The following STK32C variants were observed in gnomAD, a reference collection of about 807,000 sequenced individuals.
STK32C encodes serine/threonine-protein kinase 32C.
A neutral mutation model predicts 56.5 loss-of-function variants in STK32C; 31 were observed. That is an observed-to-expected ratio of 0.55 (90% CI 0.41 to 0.74). The LOEUF is 0.74. Ranked by LOEUF, STK32C falls within the 30% of genes least tolerant of loss-of-function variation. The pLI, the probability that STK32C is intolerant of heterozygous loss-of-function variation, is 0.00. For synonymous variants in STK32C, 309 were observed against 289.4 expected, an observed-to-expected ratio of 1.07 and a Z score of -0.69; for missense variants, 544 against 676.9, an observed-to-expected ratio of 0.80 and a Z score of 2.18.
At chr10:132,274,570 TG>T (rs1479728732) in intron 1 of STK32C, among the ~76,000 whole-genome samples, 1 of 152,166 alleles carries the variant, frequency 6.6e-6, no homozygotes, top group Non-Finnish European at 1.5e-5. Flanking sequence ...ACCTGAGGCT[TG>T]GGAATCTAAC....
At chr10:132,243,810 T>A (rs1343849426) in intron 2 of STK32C, among the ~76,000 whole-genome samples, 1 of 152,138 alleles carries the variant, frequency 6.6e-6, no homozygotes. Context: ...AGACTCTAAA[T>A]GCTGCGCCGC....
At chr10:132,298,227 A>C (rs941866413) in intron 1 of STK32C, among the ~76,000 whole-genome samples, 3 of 152,108 alleles carry the variant, frequency 2.0e-5, no homozygotes, top group Non-Finnish European at 4.4e-5. Flanking sequence ...CCTCCCCTGA[A>C]TCTGAGCTGG....
At chr10:132,297,516 T>C (rs1187945082) in intron 1 of STK32C, among the ~76,000 whole-genome samples, 1 of 152,210 alleles carries the variant, frequency 6.6e-6, no homozygotes. Context: ...AGATTTTTTT[T>C]CCTCCCCTTT....
At chr10:132,273,100 C>A (rs2064879260) in intron 1 of STK32C, among the ~76,000 whole-genome samples, 1 of 152,186 alleles carries the variant, frequency 6.6e-6, no homozygotes, top group African/African-American at 2.4e-5. Context: ...TTCCTTGCTG[C>A]CCCCCTCAAC....
At chr10:132,303,088 G>A (rs565746563) in intron 1 of STK32C, among the ~76,000 whole-genome samples, 6 of 152,348 alleles carry the variant, frequency 3.9e-5, no homozygotes, top group African/African-American at 1.2e-4. Flanking sequence ...GCGTGGAAAC[G>A]GTCCCACTCC....
chr10:132,252,282 G>C (rs936518435), intron 1 of STK32C, among the ~76,000 whole-genome samples: 1 of 152,270 alleles, frequency 6.6e-6, no homozygotes. Flanking sequence ...CCCACAGTGT[G>C]GCACCAGGTG....
At chr10:132,313,162 T>G (rs2066252007) in intron 1 of STK32C, among the ~76,000 whole-genome samples, 1 of 152,214 alleles carries the variant, frequency 6.6e-6, no homozygotes, top group Admixed American at 6.5e-5. Context: ...CCAACCAGCT[T>G]TAATGTTAAG....
intron 1 of STK32C, among the ~76,000 whole-genome samples, chr10:132,289,614 T>C (rs571947087): frequency 2.0e-5 from 3 of 152,270 alleles, no homozygotes; most frequent in South Asian, 4.1e-4. Context: ...GGCTGGGAAG[T>C]GTAAGATCAA....
intron 1 of STK32C, among the ~76,000 whole-genome samples, chr10:132,267,231 T>C (rs1348424052): frequency 1.3e-5 from 2 of 152,222 alleles, no homozygotes; most frequent in Non-Finnish European, 2.9e-5. Flanking sequence ...GGTGCAGGTC[T>C]CCTTTTGGGG....
chr10:132,282,810 C>CA (rs1052685644), intron 1 of STK32C, among the ~76,000 whole-genome samples: 31 of 152,384 alleles, frequency 2.0e-4, no homozygotes, highest in African/African-American at 7.5e-4. Context: ...GTGACTGCTG[C>CA]ACCCTATTAG....
At chr10:132,249,148 G>C (rs745877287) in intron 1 of STK32C, 3 of 437,326 alleles carry the variant, frequency 6.9e-6, no homozygotes, top group Non-Finnish European at 1.4e-5. Flanking sequence ...GCGTGCAGGG[G>C]GCGGGGCGTG....
At position 132,245,909 on chromosome 10, in the gene STK32C, G is replaced by C; in HGVS notation, c.309C>G (p.Ser103Arg). 5.0e-6 allele frequency: 8 copies of C among 1,613,206 alleles called. No individual in the cohort carries two copies. Among genetic ancestry groups the C allele is most frequent in the Non-Finnish European group, 6.8e-6 (8 of 1,180,000 alleles). Residue 103 changes from serine to arginine, a missense_variant, in exon 2 of 12, where the codon AGC becomes AGG. Physicochemically the swap from Ser to Arg is moderately radical, Grantham distance 110. This residue lies in a region of STK32C where 182 missense variants were observed against 217.7 expected (regional missense o/e 0.84). Transcript: ENST00000298630. ...FQILRAIGKG[S>R]FGKVCIVQKR... ...CCAGGCCCTGCCTTACCTTGCCAAA[G>C]CTGCCCTTCCCAATGGCCCGAAGGA... is the stretch of plus-strand genomic sequence containing the variant.
rs564710843 is a variant in STK32C at position 132,303,011 on chromosome 10, G to A, written c.262+4561C>T. Among the ~76,000 whole-genome samples, 82 of 152,316 alleles carry A rather than the reference G, an allele frequency of 5.4e-4. 1 individual carries two copies. The highest frequency in any genetic ancestry group is 3.4e-3 in the Middle Eastern group (1 of 294). ...AGTGCAGTCATGTGCAAGAGGCAGC[G>A]AAGTCTCAGCCACACACAAGGTGAA... On this transcript the variant is annotated intron_variant, in intron 1 of 11. Coordinates refer to ENST00000298630, the MANE Select transcript of STK32C (RefSeq NM_173575.4).
rs139619239 is a variant in STK32C at position 132,225,076 on chromosome 10, C to T, written c.876+157G>A. On this transcript the variant is annotated intron_variant, in intron 7 of 11. Transcript: ENST00000298630. Reference sequence around the variant, plus strand: ...TCCTCCTCCTGCTCAGGCATTCCATCACCAACTACACACTTCGATAAAAGC... The same window carrying T: ...TCCTCCTCCTGCTCAGGCATTCCATTACCAACTACACACTTCGATAAAAGC... Among the ~76,000 whole-genome samples the T allele has an allele frequency of 3.3e-5, 5 of 152,352 alleles. No homozygotes were observed. In the East Asian group the frequency reaches 9.6e-4, roughly 29 times the overall value.
chr10:132,221,808 GCA>G (rs759491105), intron 10 of STK32C, among the ~76,000 whole-genome samples: 7 of 120,074 alleles, frequency 5.8e-5, no homozygotes, highest in Non-Finnish European at 8.2e-5. Context: ...GGCCATCCCT[GCA>G]CACACTCACA....
chr10:132,228,960 G>A (rs1483043835), intron 2 of STK32C, among the ~76,000 whole-genome samples: 2 of 152,242 alleles, frequency 1.3e-5, no homozygotes, highest in African/African-American at 2.4e-5. Flanking sequence ...TACCCTCTGA[G>A]CATGGATCAT....
chr10:132,222,579 G>A lies in STK32C; in HGVS notation c.1251+62C>T, dbSNP rs867540814. 155 of 1,588,546 alleles carry A rather than the reference G, an allele frequency of 9.8e-5. 1 individual carries two copies. Among genetic ancestry groups the A allele is most frequent in the Middle Eastern group, 3.9e-4 (2 of 5,116 alleles). ...CAGGGGTCCCCACACGCCTTGCTCG[G>A]TGGTAGAGAGGAGCCCCAAGCCCAG... On this transcript the variant is annotated intron_variant, in intron 10 of 11. Coordinates refer to ENST00000298630, the MANE Select transcript of STK32C (RefSeq NM_173575.4).
At position 132,255,662 on chromosome 10, in the gene STK32C, G is replaced by A. The variant is rs934696585; in HGVS notation, c.263-9707C>T. 2.6e-5 allele frequency among the ~76,000 whole-genome samples: 4 copies of A among 152,184 alleles called. No homozygotes were observed. The highest frequency in any genetic ancestry group is 1.9e-4 in the East Asian group (1 of 5,186). ...TCCCTCAACCCTTGCTGAGCCCCAC[G>A]CGGTTTCCTGCACCACTGAGGATGT... On this transcript the variant is annotated intron_variant, in intron 1 of 11. Transcript: ENST00000298630. The surrounding 1 kb of genome is among the most constrained non-coding windows in gnomAD (Gnocchi z 4.6).
Position 132,222,374 on chromosome 10 carries a change from T to C in STK32C, c.1251+267A>G, listed in dbSNP as rs549207670. Among the ~76,000 whole-genome samples, 4 of 152,286 alleles carry C rather than the reference T, an allele frequency of 2.6e-5. No individual in the cohort carries two copies. The East Asian group carries it at 7.7e-4, about 29-fold the overall frequency. ...CACACACAACCAACACCAGCACACC[T>C]GGGCAAGCACGAAGGCTTCACATGG... On this transcript the variant is annotated intron_variant, in intron 10 of 11. Transcript: ENST00000298630.
Sources: allele counts gnomAD v4.1 joint callset (sites outside exome capture counted in the v4.1 genomes callset), GRCh38; gene constraint gnomAD v4.1.1; regional missense constraint gnomAD v4.1.1; non-coding constraint Gnocchi (gnomAD v3.1); transcripts MANE v1.5; gene names NCBI Gene and HGNC (gene_info 2026-07-23, HGNC 2026-07-21).